Variants in RCC2 observed in about 807,000 individuals in gnomAD.
The protein encoded by RCC2 is protein RCC2.
In RCC2, 19 loss-of-function variants were observed where a neutral mutation model predicts 64.1. The observed-to-expected ratio is 0.30, with a 90% CI of 0.21 to 0.44. The LOEUF (loss-of-function observed/expected upper bound fraction) is 0.44. Ranked by LOEUF, RCC2 falls within the 20% of genes least tolerant of loss-of-function variation. The pLI is 1.00. For missense variants in RCC2, 508 were observed against 710.4 expected (o/e 0.72, Z 3.24); for synonymous variants, 325 against 279.6 (o/e 1.16, Z -1.62).
In RCC2 at chr1:17,438,329, G is replaced by T; in HGVS notation, c.186C>A (p.Ala62=). 1 of 1,246,674 alleles carries T rather than the reference G, an allele frequency of 8.0e-7. No individual in the cohort carries two copies. The highest frequency in any genetic ancestry group is 1.0e-6 in the Non-Finnish European group (1 of 991,824). 77.2% of individuals were successfully genotyped at this position (1,246,674 alleles called of 1,614,324 possible). The change falls in exon 2 of 13, where the codon GCC becomes GCA. Residue 62 remains alanine, a synonymous_variant. Transcript: ENST00000375436. ...GCGCCGCGCGCTTGCCCCCGCCGGG[G>T]GCCCCGTCGAGCTCCAGGCCGTCCT... The part of the protein sequence containing the change: ...GDEDGLELDG[A]PGGGKRAARP...
chr1:17,408,932 T>TG lies in RCC2; in HGVS notation c.*157dup. The TG allele has an allele frequency of 1.6e-6, 1 of 628,848 alleles. No individual in the cohort carries two copies. Among genetic ancestry groups the TG allele is most frequent in the Non-Finnish European group, 2.9e-6 (1 of 347,508 alleles). 39.0% of individuals were successfully genotyped at this position (628,848 alleles called of 1,614,324 possible). ...ATACAGAAAAAAAGGTAGTTAACGT[T>TG]GGATCATGTGTAAAACGGAACCTCA... On this transcript the variant is annotated 3_prime_UTR_variant, in exon 13 of 13. Transcript: ENST00000375436.
chr1:17,427,144 A>C (rs2075625487), intron 3 of RCC2, among the ~76,000 whole-genome samples: 1 of 152,178 alleles, frequency 6.6e-6, no homozygotes, highest in Non-Finnish European at 1.5e-5. Flanking sequence ...TGCCAAATCG[A>C]GTGTGTAAGA....
chr1:17,418,209 T>C (rs1217528270), intron 7 of RCC2, among the ~76,000 whole-genome samples: 1 of 139,290 alleles, frequency 7.2e-6, no homozygotes, highest in Non-Finnish European at 1.5e-5. Context: ...CATAAGCAGG[T>C]TCTATTTTTT....
At chr1:17,420,900 G>T in intron 6 of RCC2, 72 bp from the exon 7 acceptor site, 1 of 974,920 alleles carries the variant, frequency 1.0e-6, no homozygotes, top group Non-Finnish European at 1.6e-6. Flanking sequence ...TCTGCATGTT[G>T]GTGGGAAACA....
chr1:17,420,045 C>A (rs1421064104), intron 7 of RCC2, among the ~76,000 whole-genome samples: 1 of 152,212 alleles, frequency 6.6e-6, no homozygotes, highest in Non-Finnish European at 1.5e-5. Flanking sequence ...CCGCGCCACA[C>A]CTCGCGGAGG....
rs2075409772 is a variant in RCC2, at chr1:17,410,193, T to C, written c.1387-142A>G. The C allele has an allele frequency of 1.1e-5, 8 of 709,066 alleles. No individual in the cohort carries two copies. The Admixed American group carries it at 1.6e-4, about 14-fold the overall frequency. 43.9% of individuals were successfully genotyped at this position (709,066 alleles called of 1,614,324 possible). ...TGGCCCATGACAAGCCCGGCCACCCTTGCACACAAGGGCCAGGTGGAATCA... is the reference window on the plus strand; with the variant it reads ...TGGCCCATGACAAGCCCGGCCACCCCTGCACACAAGGGCCAGGTGGAATCA... On this transcript the variant is annotated intron_variant, in intron 11 of 12. Transcript: ENST00000375436.
chr1:17,438,448 C>A lies in RCC2; in HGVS notation c.67G>T (p.Ala23Ser). Residue 23 changes from alanine (A) to serine (S), a missense_variant, in exon 2 of 13, where the codon GCC (alanine) becomes TCC (serine). Transcript: ENST00000375436. Reference protein sequence around the residue: ...EPSSGNGTARAGPRKRGGPAG... With the variant: ...EPSSGNGTARSGPRKRGGPAG... Reference sequence around the variant, plus strand: ...GGGCCGCCGCGTTTCCTGGGCCCGGCGCGGGCAGTGCCGTTGCCCGAGCTC... The same window carrying A: ...GGGCCGCCGCGTTTCCTGGGCCCGGAGCGGGCAGTGCCGTTGCCCGAGCTC... 7.7e-7 allele frequency: 1 copy of A among 1,298,670 alleles called. No homozygotes were observed. Among genetic ancestry groups the A allele is most frequent in the Non-Finnish European group, 9.7e-7 (1 of 1,027,100 alleles). The allele number at this position is 1,298,670 out of a possible 1,614,324, so 80.4% of individuals were successfully genotyped here. A position where few individuals can be genotyped will look rare whatever the true frequency, so the allele number is the denominator to read the frequency against.
At chr1:17,410,276 G>A (rs1429693890) in intron 11 of RCC2, among the ~76,000 whole-genome samples, 3 of 152,208 alleles carry the variant, frequency 2.0e-5, no homozygotes, top group Admixed American at 2.0e-4. Context: ...ACCTAAGGAA[G>A]ACCAAGGTGC....
chr1:17,421,159 G>GC (rs2075551965), intron 6 of RCC2, among the ~76,000 whole-genome samples: 1 of 151,874 alleles, frequency 6.6e-6, no homozygotes, highest in African/African-American at 2.4e-5. Flanking sequence ...GTAGTAGTTT[G>GC]TTTTTAAGGT....
chr1:17,412,243 A>G, intron 10 of RCC2, 49 bp from the exon 11 acceptor site: 1 of 1,577,472 alleles, frequency 6.3e-7, no homozygotes, highest in South Asian at 1.1e-5. Flanking sequence ...CCAGACCTGC[A>G]CCCACGCAGC....
intron 4 of RCC2, among the ~76,000 whole-genome samples, chr1:17,424,868 C>T (rs902871773): frequency 5.3e-5 from 8 of 152,254 alleles, no homozygotes; most frequent in East Asian, 1.9e-4. Context: ...AGGAATGGGC[C>T]GGCCGGCTGC....
rs201930139 is a variant in RCC2 at position 17,425,626 on chromosome 1, C to A, written c.438G>T (p.Ala146=). ...AGACCACTGTCCGCACCCGGACCCC[C>A]GCCAGGCACCCATATCTGTGGGGCC... is the stretch of plus-strand genomic sequence containing the variant. The part of the protein sequence containing the change: ...LWGPHRYGCL[A]GVRVRTVVSG... The change falls in exon 4 of 13, where the codon GCG becomes GCT. Residue 146 remains alanine, a synonymous_variant. Coordinates refer to ENST00000375436, the MANE Select transcript of RCC2 (RefSeq NM_018715.4). 8.1e-6 allele frequency: 13 copies of A among 1,614,136 alleles called. No homozygotes were observed. The highest frequency in any genetic ancestry group is 1.7e-4 in the Middle Eastern group (1 of 6,060).
chr1:17,435,198 A>G (rs2075723133), intron 2 of RCC2, among the ~76,000 whole-genome samples: 1 of 152,244 alleles, frequency 6.6e-6, no homozygotes, highest in Non-Finnish European at 1.5e-5. Flanking sequence ...ACACCTAGGC[A>G]ATGACAACGC....
chr1:17,410,461 G>A (rs1433704771), intron 11 of RCC2, among the ~76,000 whole-genome samples: 1 of 152,138 alleles, frequency 6.6e-6, no homozygotes, highest in Non-Finnish European at 1.5e-5. Context: ...CATCCAGAGT[G>A]GAATAATCAC....
rs2075762469 is a variant in RCC2, at chr1:17,438,238, C to G, written c.277G>C (p.Glu93Gln). 2 of 1,318,762 alleles carry G rather than the reference C, an allele frequency of 1.5e-6. No individual in the cohort carries two copies. Among genetic ancestry groups the G allele is most frequent in the South Asian group, 1.6e-5 (1 of 61,028 alleles). 81.7% of individuals were successfully genotyped at this position (1,318,762 alleles called of 1,614,324 possible). A position where few individuals can be genotyped will look rare whatever the true frequency, so the allele number is the denominator to read the frequency against. The change falls in exon 2 of 13, where the codon GAG becomes CAG. Residue 93 changes from glutamate (E) to glutamine (Q), a missense_variant. Transcript: ENST00000375436. Reference sequence around the variant, plus strand: ...CCCTGACCCTCACTCACGACGCGCTCCTTGGTGTGCTCGGGTTCGGTGATG... The same window carrying G: ...CCCTGACCCTCACTCACGACGCGCTGCTTGGTGTGCTCGGGTTCGGTGATG... ...VVITEPEHTK[E>Q]RVKLEGSKCK...
intron 3 of RCC2, among the ~76,000 whole-genome samples, chr1:17,427,606 C>T (rs1315744863): frequency 2.0e-5 from 3 of 152,182 alleles, no homozygotes; most frequent in Admixed American, 6.5e-5. Flanking sequence ...AGTATCATCA[C>T]GACCCTGTGC....
rs191144982 is a variant in RCC2 at position 17,427,384 on chromosome 1, C to A, written c.380-1700G>T. Among the ~76,000 whole-genome samples, 116 of 152,290 alleles carry A rather than the reference C, an allele frequency of 7.6e-4. 1 individual carries two copies. Among genetic ancestry groups the A allele is most frequent in the African/African-American group, 2.7e-3 (112 of 41,564 alleles). On this transcript the variant is annotated intron_variant, in intron 3 of 12. Transcript: ENST00000375436. ...TGAAGCAGCACACCTGCAGACACCT[C>A]CCCTGAAAGGAGGAAGAGGAACATC... is the stretch of plus-strand genomic sequence containing the variant.
chr1:17,427,538 G>T (rs979635864), intron 3 of RCC2, among the ~76,000 whole-genome samples: 1 of 152,194 alleles, frequency 6.6e-6, no homozygotes, highest in African/African-American at 2.4e-5. Flanking sequence ...ACTCGGAAGG[G>T]ATAAAGAGAA....
At chr1:17,435,553 C>T (rs962187656) in intron 2 of RCC2, among the ~76,000 whole-genome samples, 1 of 152,256 alleles carries the variant, frequency 6.6e-6, no homozygotes, top group Non-Finnish European at 1.5e-5. Context: ...AGGAGGCCAA[C>T]CCAGGACAAG....
Sources: gnomAD v4.1 joint callset for allele counts (sites outside exome capture counted in the v4.1 genomes callset) on GRCh38, gnomAD v4.1.1 for gene constraint, MANE v1.5 for transcripts, NCBI Gene and HGNC (gene_info 2026-07-23, HGNC 2026-07-21) for gene names.